Variants in PPFIBP1 observed in about 807,000 individuals in gnomAD.
PPFIBP1 encodes the protein PPFIB scaffold protein 1.
In PPFIBP1, 112 loss-of-function variants were observed where a neutral mutation model predicts 137.8. The ratio of observed to expected loss-of-function variants is 0.81; its 90% CI spans 0.70 to 0.95. The LOEUF (loss-of-function observed/expected upper bound fraction) is 0.95. Ranked by LOEUF, PPFIBP1 falls within the 40% of genes least tolerant of loss-of-function variation. The pLI is 0.00. For synonymous variants in PPFIBP1, 378 were observed against 417.3 expected, an observed-to-expected ratio of 0.91 and a Z score of 1.15; for missense variants, 1,083 against 1,196.6, an observed-to-expected ratio of 0.91 and a Z score of 1.40.
intron 4 of PPFIBP1, among the ~76,000 whole-genome samples, chr12:27,644,519 G>C (rs1192516867): frequency 6.6e-6 from 1 of 152,038 alleles, no homozygotes; most frequent in African/African-American, 2.4e-5. Flanking sequence ...GGAATTTAAA[G>C]CTCTACAGGG....
At chr12:27,606,989 G>A (rs143608046) in intron 2 of PPFIBP1, among the ~76,000 whole-genome samples, 1,903 of 152,262 alleles carry the variant, frequency 0.012, 27 homozygotes, top group Middle Eastern at 0.065. Context: ...TGCCCCATTT[G>A]TAGGAATTTC....
At chr12:27,692,074 A>T in intron 28 of PPFIBP1, 146 bp downstream of exon 28, 2 of 680,946 alleles carry the variant, frequency 2.9e-6, no homozygotes, top group Non-Finnish European at 4.7e-6. Context: ...GAGATCACTT[A>T]TATCTTCCAG....
At chr12:27,661,832 T>G (rs185505291) in intron 11 of PPFIBP1, among the ~76,000 whole-genome samples, 1 of 152,370 alleles carries the variant, frequency 6.6e-6, no homozygotes, top group East Asian at 1.9e-4. Flanking sequence ...TCGCATTCTC[T>G]TTATTTGCTC....
intron 1 of PPFIBP1, among the ~76,000 whole-genome samples, chr12:27,562,246 A>G (rs1015016755): frequency 9.2e-5 from 14 of 152,146 alleles, no homozygotes; most frequent in African/African-American, 3.1e-4. Flanking sequence ...TCTGGCACAT[A>G]GAAGATGCTC....
chr12:27,574,901 A>G (rs975444811), intron 1 of PPFIBP1, among the ~76,000 whole-genome samples: 3 of 152,244 alleles, frequency 2.0e-5, no homozygotes, highest in Non-Finnish European at 4.4e-5. Context: ...TTTATTTACT[A>G]AGAGCAAAGC....
chr12:27,673,946 G>A, intron 16 of PPFIBP1, 119 bp downstream of exon 16: 3 of 895,410 alleles, frequency 3.4e-6, no homozygotes, highest in South Asian at 3.4e-5. Flanking sequence ...GGTTTTTAGT[G>A]GAAAATTATT....
chr12:27,557,127 T>A (rs2048760377), intron 1 of PPFIBP1, among the ~76,000 whole-genome samples: 1 of 152,234 alleles, frequency 6.6e-6, no homozygotes, highest in East Asian at 1.9e-4. Flanking sequence ...GCTTTAGAAA[T>A]CTCTTCATGG....
chr12:27,654,803 A>T lies in PPFIBP1; in HGVS notation c.685A>T (p.Lys229Ter), dbSNP rs1212969675. ...GAGACTTCAGTATGAAAAAAAGCTT[A>T]AATCAACCAAAGTAAGTTTTTCTCA... ...SERLQYEKKL[K>*]STKDELASLK... Residue 229 changes from lysine to a stop codon, truncating the protein, a stop_gained, in exon 8 of 30, where the codon AAA (lysine) becomes TAA (stop). Transcript: ENST00000228425. LOFTEE classifies it high-confidence loss of function. 6.2e-7 allele frequency: 1 copy of T among 1,612,352 alleles called. No homozygotes were observed. Among genetic ancestry groups the T allele is most frequent in the Non-Finnish European group, 8.5e-7 (1 of 1,179,448 alleles).
At chr12:27,567,840 G>A (rs2049813853) in intron 1 of PPFIBP1, among the ~76,000 whole-genome samples, 1 of 152,116 alleles carries the variant, frequency 6.6e-6, no homozygotes, top group Middle Eastern at 3.4e-3. Context: ...AGATATTGTC[G>A]GGACACTGAT....
intron 2 of PPFIBP1, among the ~76,000 whole-genome samples, chr12:27,630,043 G>C (rs1358029291): frequency 6.6e-6 from 1 of 152,112 alleles, no homozygotes; most frequent in Non-Finnish European, 1.5e-5. Context: ...AATTGAATTT[G>C]ATCAAGATGG....
intron 2 of PPFIBP1, among the ~76,000 whole-genome samples, chr12:27,620,276 C>G (rs1422964358): frequency 2.6e-5 from 4 of 152,140 alleles, no homozygotes; most frequent in African/African-American, 2.4e-5. Flanking sequence ...GCCATGGAGG[C>G]CCCAGATTCC....
chr12:27,530,902 G>A (rs1431889444), intron 1 of PPFIBP1, among the ~76,000 whole-genome samples: 1 of 152,138 alleles, frequency 6.6e-6, no homozygotes, highest in East Asian at 1.9e-4. Context: ...ATGAGTGGGT[G>A]GAAGGTTAGA....
chr12:27,592,552 T>A, intron 2 of PPFIBP1: 1 of 1,335,184 alleles, frequency 7.5e-7, no homozygotes, highest in Non-Finnish European at 1.1e-6. Flanking sequence ...ACGGGGACTC[T>A]TGGTGGCTTT....
Position 27,566,363 on chromosome 12 carries a change from G to GAAGATTAGCT in PPFIBP1, c.-123-11789_-123-11788insAAGATTAGCT, listed in dbSNP as rs781266746. 4.8e-3 allele frequency among the ~76,000 whole-genome samples: 735 copies of GAAGATTAGCT among 152,304 alleles called. 6 individuals are homozygous for GAAGATTAGCT. The Middle Eastern group carries it at 0.061, about 13-fold the overall frequency. Reference sequence around the variant, plus strand: ...AGCTCTGTGATTGTATTCCAGGACAGCTGACTCCACCTGCTGTTCGCAAAA... The same window carrying GAAGATTAGCT: ...AGCTCTGTGATTGTATTCCAGGACAGAAGATTAGCTCTGACTCCACCTGCTGTTCGCAAAA... On this transcript the variant is annotated intron_variant, in intron 1 of 29. Transcript: ENST00000228425.
At chr12:27,639,890 G>A (rs1478028900) in intron 4 of PPFIBP1, among the ~76,000 whole-genome samples, 1 of 152,162 alleles carries the variant, frequency 6.6e-6, no homozygotes, top group Admixed American at 6.5e-5. Context: ...CTGACTCCCA[G>A]CCCCACGAAG....
intron 1 of PPFIBP1, among the ~76,000 whole-genome samples, chr12:27,541,474 A>G (rs1003222219): frequency 6.6e-6 from 1 of 152,154 alleles, no homozygotes; most frequent in East Asian, 1.9e-4. Context: ...TGTGTTAGGC[A>G]TGTGTTGAGT....
chr12:27,529,183 G>A (rs1944121386), intron 1 of PPFIBP1, among the ~76,000 whole-genome samples: 1 of 152,218 alleles, frequency 6.6e-6, no homozygotes, highest in African/African-American at 2.4e-5. Flanking sequence ...CACGTTTGGG[G>A]CTGGCCCTAG....
At chr12:27,526,929 T>C (rs1013360069) in intron 1 of PPFIBP1, among the ~76,000 whole-genome samples, 9 of 152,194 alleles carry the variant, frequency 5.9e-5, no homozygotes, top group Non-Finnish European at 1.3e-4. Flanking sequence ...TCCAGATCAA[T>C]AGTGCCTAAT....
At chr12:27,549,607 A>G (rs898547785) in intron 1 of PPFIBP1, 1 of 152,196 alleles carries the variant, frequency 6.6e-6, no homozygotes, top group East Asian at 1.9e-4. Flanking sequence ...TATCAAGAAA[A>G]GGAAGAACCA....
Sources: allele counts gnomAD v4.1 joint callset (sites outside exome capture counted in the v4.1 genomes callset), GRCh38; gene constraint gnomAD v4.1.1; transcripts MANE v1.5; gene names NCBI Gene and HGNC (gene_info 2026-07-23, HGNC 2026-07-21).